Variants in CUX1 observed in about 807,000 individuals in gnomAD.
CUX1 encodes protein CASP.
CUX1 carries 31 observed loss-of-function variants against 158.8 expected under a neutral mutation model. The observed-to-expected ratio is 0.20, with a 90% CI of 0.15 to 0.26. The LOEUF (loss-of-function observed/expected upper bound fraction) is 0.26, where lower values mean the gene tolerates loss of function less well. CUX1 is among the 10% of genes least tolerant of loss of function. The pLI is 1.00. For synonymous variants in CUX1, 879 were observed against 862.1 expected (o/e 1.02, Z -0.34); for missense variants, 1,589 against 2,014.6 (o/e 0.79, Z 4.04).
chr7:102,168,918 C>CTTTTTTTTTTTTTTTTTTTTTTTT (rs1239519322), intron 9 of CUX1, among the ~76,000 whole-genome samples: 3 of 84,136 alleles, frequency 3.6e-5, no homozygotes, highest in Non-Finnish European at 4.5e-5. Context: ...CTTTTATTTT[C>CTTTTTTTTTTTTTTTTTTTTTTTT]TTTTCTTTTC....
At chr7:102,210,668 G>T (rs967657366) in intron 20 of CUX1, among the ~76,000 whole-genome samples, 1 of 152,202 alleles carries the variant, frequency 6.6e-6, no homozygotes, top group Admixed American at 6.5e-5. Context: ...CTCTTTCCTG[G>T]CGTGTTAGGA....
chr7:102,086,017 G>T (rs1554480344), intron 4 of CUX1, among the ~76,000 whole-genome samples: 1 of 152,122 alleles, frequency 6.6e-6, no homozygotes, highest in Admixed American at 6.5e-5. Flanking sequence ...TTAAAGGAAT[G>T]ATCCATTTCA....
chr7:101,902,600 G>C (rs1802273214), intron 1 of CUX1, among the ~76,000 whole-genome samples: 1 of 152,182 alleles, frequency 6.6e-6, no homozygotes, highest in South Asian at 2.1e-4. Flanking sequence ...CCAATTAATT[G>C]GTTGGAGGGT....
At chr7:102,045,140 G>T (rs566249093) in intron 3 of CUX1, among the ~76,000 whole-genome samples, 2 of 152,194 alleles carry the variant, frequency 1.3e-5, no homozygotes, top group African/African-American at 4.8e-5. Flanking sequence ...TTAGGGACCC[G>T]TCGGACTGCG....
In CUX1 at chr7:102,249,982, T is replaced by C; in HGVS notation, c.*940T>C. 7.1e-6 allele frequency: 7 copies of C among 984,856 alleles called. No homozygotes were observed. The highest frequency in any genetic ancestry group is 8.4e-6 in the Non-Finnish European group (7 of 829,804). The allele number at this position is 984,856 out of a possible 1,614,324, so 61.0% of individuals were successfully genotyped here. On this transcript the variant is annotated 3_prime_UTR_variant, in exon 24 of 24. Coordinates refer to ENST00000292535, the MANE Select transcript of CUX1 (RefSeq NM_181552.4). ...GTGCACATTGATGTATAGCTTTAAC[T>C]GACCCTGGGTTTTGCAGACCAGGGT...
At chr7:102,215,452 T>C (rs188204604) in intron 20 of CUX1, among the ~76,000 whole-genome samples, 78 of 152,280 alleles carry the variant, frequency 5.1e-4, no homozygotes, top group Non-Finnish European at 1.0e-3. Flanking sequence ...CTGATTAATA[T>C]GCAAATAATA....
intron 8 of CUX1, among the ~76,000 whole-genome samples, chr7:102,139,405 C>A (rs1301510702): frequency 6.6e-6 from 1 of 152,132 alleles, no homozygotes; most frequent in Non-Finnish European, 1.5e-5. Context: ...CATTGATGAT[C>A]AAAAGCATAG....
intron 3 of CUX1, among the ~76,000 whole-genome samples, chr7:102,030,227 G>C (rs542544206): frequency 6.6e-6 from 1 of 152,254 alleles, no homozygotes; most frequent in East Asian, 1.9e-4. Context: ...GGTCAGGCTG[G>C]TCTCTCATTC....
intron 2 of CUX1, among the ~76,000 whole-genome samples, chr7:101,969,454 T>C (rs1563073960): frequency 6.6e-6 from 1 of 150,494 alleles, no homozygotes; most frequent in Non-Finnish European, 1.5e-5. Context: ...TCTGACCCTG[T>C]CACAAACAAA....
chr7:102,123,173 G>A (rs781887268), intron 8 of CUX1, among the ~76,000 whole-genome samples: 6 of 152,058 alleles, frequency 3.9e-5, no homozygotes, highest in Non-Finnish European at 5.9e-5. Flanking sequence ...AGAGGTTGCA[G>A]TGAGCTGAGA....
At chr7:102,127,549 T>C (rs1293522339) in intron 8 of CUX1, among the ~76,000 whole-genome samples, 1 of 150,008 alleles carries the variant, frequency 6.7e-6, no homozygotes, top group Non-Finnish European at 1.5e-5. Context: ...ATAACATGAT[T>C]TTGATTTCTA....
intron 21 of CUX1, among the ~76,000 whole-genome samples, chr7:102,232,071 G>T (rs1799061464): frequency 6.6e-6 from 1 of 151,646 alleles, no homozygotes; most frequent in Admixed American, 6.6e-5. Flanking sequence ...ACATTTATAG[G>T]CTAAAGAGTT....
intron 2 of CUX1, among the ~76,000 whole-genome samples, chr7:101,956,246 C>T (rs767096865): frequency 1.3e-5 from 2 of 151,960 alleles, no homozygotes; most frequent in East Asian, 1.9e-4. Flanking sequence ...CACGCGCCCT[C>T]ATTTGAAATG....
At chr7:102,156,983 A>G (rs1389905973) in intron 8 of CUX1, among the ~76,000 whole-genome samples, 2 of 152,314 alleles carry the variant, frequency 1.3e-5, no homozygotes, top group East Asian at 1.9e-4. Flanking sequence ...GGGTCTGGGA[A>G]GGGTGGATGG....
At chr7:102,279,999 G>T (rs1554548744) in intron 18 of CUX1, 3 of 1,407,628 alleles carry the variant, frequency 2.1e-6, no homozygotes, top group South Asian at 2.3e-5. Context: ...TGGGCCCCAA[G>T]GCACTGACTG....
chr7:101,976,249 T>C (rs1017039757), intron 2 of CUX1, among the ~76,000 whole-genome samples: 1 of 152,250 alleles, frequency 6.6e-6, no homozygotes, highest in Non-Finnish European at 1.5e-5. Flanking sequence ...TACTCTCTTA[T>C]AGTAATTGTA....
At chr7:102,260,481 G>T (rs1016232849), downstream of CUX1, among the ~76,000 whole-genome samples, 3 of 146,296 alleles carry the variant, frequency 2.1e-5, no homozygotes, top group Non-Finnish European at 4.5e-5. Context: ...ATCTCGGCTC[G>T]CTGCAACCTC....
intron 3 of CUX1, among the ~76,000 whole-genome samples, chr7:102,043,783 C>T (rs1479789367): frequency 2.0e-5 from 3 of 152,098 alleles, no homozygotes. Context: ...CGTACTGTTT[C>T]CCATAATGGC....
chr7:101,868,043 C>T (rs535844862), intron 1 of CUX1, among the ~76,000 whole-genome samples: 12 of 152,156 alleles, frequency 7.9e-5, no homozygotes, highest in African/African-American at 1.4e-4. Context: ...GATGAGGTCT[C>T]GCTATGTTAC....
Sources: allele counts gnomAD v4.1 joint callset (sites outside exome capture counted in the v4.1 genomes callset), GRCh38; gene constraint gnomAD v4.1.1; transcripts MANE v1.5; gene names NCBI Gene and HGNC (gene_info 2026-07-23, HGNC 2026-07-21).